SP2: variants seen among roughly 807,000 people sequenced by gnomAD.
SP2 encodes transcription factor Sp2.
In SP2, 9 loss-of-function variants were observed where a neutral mutation model predicts 50.1. The ratio of observed to expected loss-of-function variants is 0.18; its 90% CI spans 0.11 to 0.31. The LOEUF (loss-of-function observed/expected upper bound fraction) is 0.31, where lower values mean the gene tolerates loss of function less well. SP2 is among the 10% of genes least tolerant of loss of function. SP2 has a pLI of 1.00. For synonymous variants in SP2, 313 were observed against 326.6 expected (o/e 0.96, Z 0.45); for missense variants, 581 against 806.5 (o/e 0.72, Z 3.39).
intron 1 of SP2, among the ~76,000 whole-genome samples, 153 bp from the exon 2 acceptor site, chr17:47,915,159 G>C (rs1338642928): frequency 6.6e-6 from 1 of 151,362 alleles, no homozygotes; most frequent in Non-Finnish European, 1.5e-5. Flanking sequence ...GTTGCCGTGA[G>C]CCTAGATCAT....
chr17:47,922,894 G>A, intron 3 of SP2, 68 bp from the exon 4 acceptor site: 1 of 1,421,294 alleles, frequency 7.0e-7, no homozygotes, highest in Non-Finnish European at 9.7e-7. Context: ...ACTTGGGCAG[G>A]GACATTTGAA....
chr17:47,927,518 T>G (rs1598177091), intron 6 of SP2, among the ~76,000 whole-genome samples: 5 of 113,290 alleles, frequency 4.4e-5, no homozygotes, highest in Admixed American at 1.2e-4. Flanking sequence ...GCCAGCAGAG[T>G]GAGACTCCAT....
At chr17:47,915,078 G>A (rs2035137107) in intron 1 of SP2, among the ~76,000 whole-genome samples, 1 of 151,952 alleles carries the variant, frequency 6.6e-6, no homozygotes. Context: ...GCTGGGCATG[G>A]TGGCAGCGCC....
intron 1 of SP2, among the ~76,000 whole-genome samples, chr17:47,904,062 A>G (rs556088755): frequency 2.4e-4 from 36 of 152,178 alleles, no homozygotes; most frequent in Non-Finnish European, 4.4e-4. Flanking sequence ...GGAGATCGAG[A>G]CCATCCTGGC....
chr17:47,899,919 A>C (rs1194071747), intron 1 of SP2: 1 of 152,292 alleles, frequency 6.6e-6, no homozygotes, highest in East Asian at 1.9e-4. Context: ...TTTGTGTCAC[A>C]GGACAAGCAC....
In SP2 at chr17:47,916,185, T is replaced by A; in HGVS notation, c.114T>A (p.Leu38=). ...QDSQPSPLAL[L]AATCSKIGPP... is the part of the protein sequence containing the mutation. ...CCCAGCCATCTCCCTTAGCCCTGCT[T>A]GCTGCAACATGTAGCAAAATTGGCC... Residue 38 remains leucine, a synonymous_variant, in exon 3 of 7, where the codon CTT becomes CTA. Coordinates refer to ENST00000376741, the MANE Select transcript of SP2 (RefSeq NM_003110.6). This position sits in a 1 kb window ranked among gnomAD's most constrained non-coding sequence, Gnocchi z 4.7. 1 of 1,612,970 alleles carries A rather than the reference T, an allele frequency of 6.2e-7. No homozygotes were observed.
In SP2 at chr17:47,917,131, G is replaced by A. The variant is rs2035242958; in HGVS notation, c.1059+1G>A. The A allele has an allele frequency of 6.2e-7, 1 of 1,604,552 alleles. No homozygotes were observed. The highest frequency in any genetic ancestry group is 8.5e-7 in the Non-Finnish European group (1 of 1,175,554). On this transcript the variant is annotated splice_donor_variant, in intron 3 of 6. Coordinates refer to ENST00000376741, the MANE Select transcript of SP2 (RefSeq NM_003110.6). LOFTEE classifies it high-confidence loss of function. ...GGCAGCTGAGCCGACACCTACTCAG[G>A]TACCACACTCCCTGTACTGTCCTCC... is the stretch of plus-strand genomic sequence containing the variant.
intron 4 of SP2, among the ~76,000 whole-genome samples, chr17:47,923,731 T>A (rs1224587416): frequency 2.6e-5 from 4 of 152,148 alleles, no homozygotes; most frequent in Non-Finnish European, 5.9e-5. Flanking sequence ...GCTCTCTGAA[T>A]TTCTCTTCAT....
chr17:47,916,644 C>T lies in SP2; in HGVS notation c.573C>T (p.Thr191=). ...PAPIQKSSTT[T]TPVQSGANVV... Reference sequence around the variant, plus strand: ...CCATCCAGAAGTCGAGTACGACCACCACCCCCGTGCAGAGCGGGGCCAATG... The same window carrying T: ...CCATCCAGAAGTCGAGTACGACCACTACCCCCGTGCAGAGCGGGGCCAATG... The change falls in exon 3 of 7, where the codon ACC becomes ACT. Residue 191 remains threonine (T), a synonymous_variant. Coordinates refer to ENST00000376741, the MANE Select transcript of SP2 (RefSeq NM_003110.6). This position sits in a 1 kb window ranked among gnomAD's most constrained non-coding sequence, Gnocchi z 4.7. The T allele has an allele frequency of 6.2e-7, 1 of 1,613,992 alleles. No individual in the cohort carries two copies. Among genetic ancestry groups the T allele is most frequent in the Middle Eastern group, 1.6e-4 (1 of 6,062 alleles).
intron 2 of SP2, among the ~76,000 whole-genome samples, chr17:47,915,741 G>C (rs1425429425): frequency 6.6e-6 from 1 of 152,104 alleles, no homozygotes; most frequent in African/African-American, 2.4e-5. Context: ...TATTCCTCCT[G>C]TTGCCCCTCC....
chr17:47,920,359 G>A (rs978099401), intron 3 of SP2, among the ~76,000 whole-genome samples: 3 of 150,322 alleles, frequency 2.0e-5, no homozygotes, highest in Admixed American at 1.3e-4. Context: ...GCGCCATCTC[G>A]GCTCACTGCA....
chr17:47,911,506 C>CA (rs71366807), intron 1 of SP2, among the ~76,000 whole-genome samples: 4,152 of 68,860 alleles, frequency 0.06, 196 homozygotes, highest in African/African-American at 0.18. Context: ...GACTACATCT[C>CA]AAAAAAAAAA....
Position 47,923,268 on chromosome 17 carries a change from A to G in SP2, c.1366A>G (p.Thr456Ala), listed in dbSNP as rs747756320. ...VQGVPVTITN[T>A]GGQQQLTVQN... Reference sequence around the variant, plus strand: ...GGGCGTGCCTGTCACCATCACCAACACAGGCGGTGAGGATGGCCCCTGTGG... The same window carrying G: ...GGGCGTGCCTGTCACCATCACCAACGCAGGCGGTGAGGATGGCCCCTGTGG... Residue 456 changes from threonine to alanine, a missense_variant, in exon 4 of 7, where the codon ACA (threonine) becomes GCA (alanine). Physicochemically the swap from Thr to Ala is moderately conservative, Grantham distance 58. This residue lies in a region of SP2 where 184 missense variants were observed against 315.5 expected (regional missense o/e 0.58). Transcript: ENST00000376741. 2 of 1,600,110 alleles carry G rather than the reference A, an allele frequency of 1.2e-6. No homozygotes were observed. Among genetic ancestry groups the G allele is most frequent in the East Asian group, 4.5e-5 (2 of 44,816 alleles).
At chr17:47,913,679 A>G (rs1443152968) in intron 1 of SP2, among the ~76,000 whole-genome samples, 2 of 152,132 alleles carry the variant, frequency 1.3e-5, no homozygotes, top group Non-Finnish European at 2.9e-5. Context: ...AAGTGTTAGG[A>G]TTACATGCAT....
At chr17:47,911,055 G>A (rs1430093957) in intron 1 of SP2, among the ~76,000 whole-genome samples, 2 of 151,898 alleles carry the variant, frequency 1.3e-5, no homozygotes, top group Admixed American at 6.6e-5. Flanking sequence ...GCGAAACCCC[G>A]TCTCTAGAAA....
At position 47,916,887 on chromosome 17, in the gene SP2, C is replaced by T. The variant is rs747425397; in HGVS notation, c.816C>T (p.Thr272=). 1 of 1,614,192 alleles carries T rather than the reference C, an allele frequency of 6.2e-7. No homozygotes were observed. Among genetic ancestry groups the T allele is most frequent in the Non-Finnish European group, 8.5e-7 (1 of 1,180,018 alleles). The change falls in exon 3 of 7, where the codon ACC becomes ACT. Residue 272 remains threonine (T), a synonymous_variant. Transcript: ENST00000376741. This position sits in a 1 kb window ranked among gnomAD's most constrained non-coding sequence, Gnocchi z 4.7. ...AGGTGGAGACGGTGCTGATCGAGAC[C>T]ACCGCGGACAACATCATCCAGGCAG... ...AEQVETVLIE[T]TADNIIQAGN... is the part of the protein sequence containing the mutation.
In SP2 at chr17:47,919,415, A is replaced by C. The variant is rs2035345122; in HGVS notation, c.1059+2285A>C. On this transcript the variant is annotated intron_variant, in intron 3 of 6. Transcript: ENST00000376741. ...ACAGAGACCCTGTCTCTATTTAAAA[A>C]AAAAAAATTTTTTTTAAAGAGATGA... Among the ~76,000 whole-genome samples the C allele has an allele frequency of 2.6e-5, 4 of 152,174 alleles. No individual in the cohort carries two copies. The South Asian group carries it at 6.2e-4, about 24-fold the overall frequency.
chr17:47,900,732 G>A (rs1379028859), intron 1 of SP2, among the ~76,000 whole-genome samples: 6 of 152,238 alleles, frequency 3.9e-5, no homozygotes, highest in Non-Finnish European at 4.4e-5. Flanking sequence ...AGCCGAGAGC[G>A]CACCACTGCA....
chr17:47,917,417 TTAA>T (rs1456713327), intron 3 of SP2, among the ~76,000 whole-genome samples: 2 of 152,150 alleles, frequency 1.3e-5, no homozygotes, highest in Admixed American at 1.3e-4. Flanking sequence ...TACATACTTG[TTAA>T]TAACTTATTT....
Sources: allele counts gnomAD v4.1 joint callset (sites outside exome capture counted in the v4.1 genomes callset), GRCh38; gene constraint gnomAD v4.1.1; regional missense constraint gnomAD v4.1.1; non-coding constraint Gnocchi (gnomAD v3.1); transcripts MANE v1.5; gene names NCBI Gene and HGNC (gene_info 2026-07-23, HGNC 2026-07-21).